MARK1: variants seen among roughly 807,000 people sequenced by gnomAD.
MARK1 encodes the protein serine/threonine-protein kinase MARK1.
MARK1 carries 40 observed loss-of-function variants against 96.3 expected under a neutral mutation model. The ratio of observed to expected loss-of-function variants is 0.42; its 90% confidence interval spans 0.32 to 0.54. The LOEUF is 0.54. Among genes scored for constraint, MARK1 ranks in the 20% least tolerant of loss-of-function variants. The pLI, the probability that MARK1 is intolerant of heterozygous loss-of-function variation, is 0.16. For synonymous variants in MARK1, 317 were observed against 341.2 expected, an observed-to-expected ratio of 0.93 and a Z score of 0.78; for missense variants, 719 against 984.6, an observed-to-expected ratio of 0.73 and a Z score of 3.61.
At chr1:220,641,175 G>A (rs907009078) in intron 13 of MARK1, among the ~76,000 whole-genome samples, 3 of 152,204 alleles carry the variant, frequency 2.0e-5, no homozygotes, top group Non-Finnish European at 4.4e-5. Flanking sequence ...ACATGTGTGA[G>A]CAGTACAAAA....
At chr1:220,594,922 A>C (rs1435708426) in intron 3 of MARK1, among the ~76,000 whole-genome samples, 1 of 152,198 alleles carries the variant, frequency 6.6e-6, no homozygotes, top group Non-Finnish European at 1.5e-5. Context: ...GTATTAGTCT[A>C]TGTAATACTA....
At chr1:220,560,530 C>T (rs1024933359) in intron 1 of MARK1, among the ~76,000 whole-genome samples, 2 of 152,058 alleles carry the variant, frequency 1.3e-5, no homozygotes, top group African/African-American at 2.4e-5. Flanking sequence ...TGGACCATTA[C>T]GAAGTAAAAT....
intron 17 of MARK1, among the ~76,000 whole-genome samples, chr1:220,658,639 G>T (rs1431308970): frequency 6.6e-6 from 1 of 152,198 alleles, no homozygotes; most frequent in East Asian, 1.9e-4. Flanking sequence ...GTATTCCACA[G>T]TATGAAAGGC....
intron 6 of MARK1, among the ~76,000 whole-genome samples, chr1:220,608,861 C>T (rs986533041): frequency 5.3e-5 from 8 of 152,124 alleles, no homozygotes; most frequent in African/African-American, 1.4e-4. Flanking sequence ...TGTAGTTGTG[C>T]GGTTTTGAGT....
intron 1 of MARK1, among the ~76,000 whole-genome samples, chr1:220,543,886 C>T (rs1004548585): frequency 1.3e-5 from 2 of 152,124 alleles, no homozygotes; most frequent in Non-Finnish European, 2.9e-5. Flanking sequence ...GGAATTCTTA[C>T]ACAGATAGGT....
chr1:220,593,723 G>A (rs1665143421), intron 3 of MARK1, among the ~76,000 whole-genome samples: 1 of 152,112 alleles, frequency 6.6e-6, no homozygotes, highest in Non-Finnish European at 1.5e-5. Context: ...GGAGGCTCAG[G>A]TGGAGTCAGA....
At position 220,662,171 on chromosome 1, in the gene MARK1, G is replaced by C. The variant is rs1179422870; in HGVS notation, c.*5G>C. ...GCAAATGAGCTTAAGCTGTAAAGAA[G>C]TCCAAATTTACAGGTTCAGGGAAGA... On this transcript the variant is annotated 3_prime_UTR_variant, in exon 18 of 18. Transcript: ENST00000366917. 3.1e-6 allele frequency: 5 copies of C among 1,599,444 alleles called. No individual in the cohort carries two copies. The highest frequency in any genetic ancestry group is 3.4e-6 in the Non-Finnish European group (4 of 1,172,636).
At chr1:220,591,133 G>A (rs142985303) in intron 3 of MARK1, among the ~76,000 whole-genome samples, 1 of 152,200 alleles carries the variant, frequency 6.6e-6, no homozygotes, top group Admixed American at 6.5e-5. Context: ...CGGAATAACT[G>A]CATTCCAGGT....
intron 9 of MARK1, among the ~76,000 whole-genome samples, chr1:220,623,691 A>G (rs960431482): frequency 6.6e-6 from 1 of 152,198 alleles, no homozygotes; most frequent in Non-Finnish European, 1.5e-5. Flanking sequence ...ATCTAGTTTT[A>G]TGTGAGGATT....
At chr1:220,546,400 G>C (rs1246310813) in intron 1 of MARK1, among the ~76,000 whole-genome samples, 1 of 152,164 alleles carries the variant, frequency 6.6e-6, no homozygotes, top group African/African-American at 2.4e-5. Flanking sequence ...ATACTAGAAA[G>C]TAGAGTTTCT....
At position 220,661,974 on chromosome 1, in the gene MARK1, T is replaced by C; in HGVS notation, c.2196T>C (p.Tyr732=). The change falls in exon 18 of 18, where the codon TAT becomes TAC. Residue 732 remains tyrosine (Y), a synonymous_variant. Coordinates refer to ENST00000366917, the MANE Select transcript of MARK1 (RefSeq NM_018650.5). ...TGTTAGATGCAAATAACTGTGATTA[T>C]GAGCAAAAAGAGAGATTTTTGCTTT... is the stretch of plus-strand genomic sequence containing the variant. ...RKVLDANNCD[Y]EQKERFLLFC... The C allele has an allele frequency of 6.2e-7, 1 of 1,614,236 alleles. No individual in the cohort carries two copies. The highest frequency in any genetic ancestry group is 8.5e-7 in the Non-Finnish European group (1 of 1,180,048).
At chr1:220,648,859 C>T (rs568332492) in intron 13 of MARK1, among the ~76,000 whole-genome samples, 24 of 152,166 alleles carry the variant, frequency 1.6e-4, no homozygotes, top group South Asian at 8.3e-4. Context: ...TTTCCTATTA[C>T]GTATTTCTAA....
intron 9 of MARK1, among the ~76,000 whole-genome samples, chr1:220,628,824 T>C (rs1348228261): frequency 6.6e-6 from 1 of 151,736 alleles, no homozygotes; most frequent in Non-Finnish European, 1.5e-5. Flanking sequence ...TGGTGGCTCA[T>C]GCCTATAATC....
At chr1:220,597,967 T>C (rs1385330217) in intron 3 of MARK1, among the ~76,000 whole-genome samples, 4 of 152,186 alleles carry the variant, frequency 2.6e-5, no homozygotes, top group Non-Finnish European at 5.9e-5. Context: ...GTAAAAATCA[T>C]ATGAAGGAGC....
chr1:220,609,628 T>A (rs1666310432), intron 6 of MARK1, among the ~76,000 whole-genome samples: 1 of 152,238 alleles, frequency 6.6e-6, no homozygotes, highest in South Asian at 2.1e-4. Flanking sequence ...GCCCAATAAT[T>A]GATGCAGTTT....
At chr1:220,568,970 G>A (rs1663247638) in intron 1 of MARK1, among the ~76,000 whole-genome samples, 1 of 152,108 alleles carries the variant, frequency 6.6e-6, no homozygotes, top group East Asian at 1.9e-4. Flanking sequence ...CTTGATAGTT[G>A]TCTCCCAACT....
intron 5 of MARK1, among the ~76,000 whole-genome samples, chr1:220,600,311 A>G (rs1192681464): frequency 6.6e-6 from 1 of 152,194 alleles, no homozygotes; most frequent in African/African-American, 2.4e-5. Flanking sequence ...CATTTCCAAG[A>G]TAATTCATAA....
At chr1:220,616,033 G>A (rs1260214275) in intron 7 of MARK1, 38 bp downstream of exon 7, 33 of 1,054,180 alleles carry the variant, frequency 3.1e-5, no homozygotes, top group East Asian at 2.0e-4. Context: ...AAAAAAAATC[G>A]TTATTATTAA....
At chr1:220,555,709 T>C (rs769998528) in intron 1 of MARK1, among the ~76,000 whole-genome samples, 5 of 152,214 alleles carry the variant, frequency 3.3e-5, no homozygotes, top group Admixed American at 6.5e-5. Context: ...CTGAAGTGCC[T>C]ATTCGATATC....
Sources: allele counts gnomAD v4.1 joint callset (sites outside exome capture counted in the v4.1 genomes callset), GRCh38; gene constraint gnomAD v4.1.1; transcripts MANE v1.5; gene names NCBI Gene and HGNC (gene_info 2026-07-23, HGNC 2026-07-21).